The following MACROH2A1 variants were observed in gnomAD, a reference collection of about 807,000 sequenced individuals.
MACROH2A1 encodes the protein core histone macro-H2A.1.
MACROH2A1 carries 2 observed loss-of-function variants against 31.6 expected under a neutral mutation model. The ratio of observed to expected loss-of-function variants is 0.06; its 90% CI spans 0.03 to 0.20. The LOEUF (loss-of-function observed/expected upper bound fraction) is 0.20. Ranked by LOEUF, MACROH2A1 falls within the 10% of genes least tolerant of loss-of-function variation. The pLI is 1.00. For missense variants in MACROH2A1, 230 were observed against 474.0 expected (o/e 0.49, Z 4.78); for synonymous variants, 169 against 189.6 (o/e 0.89, Z 0.89).
At position 135,335,623 on chromosome 5, in the gene MACROH2A1, C is replaced by A. The variant is rs1268889493; in HGVS notation, c.954-482G>T. Among the ~76,000 whole-genome samples, 10 of 152,112 alleles carry A rather than the reference C, an allele frequency of 6.6e-5. 1 individual carries two copies. The highest frequency in any genetic ancestry group is 1.3e-4 in the Non-Finnish European group (9 of 68,012). On this transcript the variant is annotated intron_variant, in intron 8 of 8. Transcript: ENST00000511689. The stretch of plus-strand genomic sequence containing the variant: ...ACACCAGGGGCCACCGCCCAGGAAT[C>A]CACCCTCTAACACACACCAGCGGTA...
chr5:135,347,151 A>G (rs964826015), intron 6 of MACROH2A1: 1 of 152,240 alleles, frequency 6.6e-6, no homozygotes, highest in Non-Finnish European at 1.5e-5. Flanking sequence ...GTGCATCGGA[A>G]TGCACCAGCC....
intron 4 of MACROH2A1, among the ~76,000 whole-genome samples, chr5:135,365,804 G>C (rs2149825607): frequency 6.6e-6 from 1 of 152,302 alleles, no homozygotes. Flanking sequence ...TTGCATGTGA[G>C]GACAGAGATC....
At chr5:135,367,185 T>C (rs1763615833) in intron 4 of MACROH2A1, among the ~76,000 whole-genome samples, 1 of 152,258 alleles carries the variant, frequency 6.6e-6, no homozygotes, top group Non-Finnish European at 1.5e-5. Flanking sequence ...AACCTAGAGA[T>C]GCAGGCTTTT....
At position 135,358,334 on chromosome 5, in the gene MACROH2A1, C is replaced by A. The variant is rs114477576; in HGVS notation, c.588+2163G>T. 8.3e-4 allele frequency: 816 copies of A among 985,380 alleles called. 3 individuals carry two copies. The African/African-American group carries it at 0.013, about 16-fold the overall frequency. 61.0% of individuals were successfully genotyped at this position (985,380 alleles called of 1,614,324 possible). On this transcript the variant is annotated intron_variant, in intron 5 of 8. Coordinates refer to ENST00000511689, the MANE Select transcript of MACROH2A1 (RefSeq NM_138610.3). ...CTGGTGCTTAGGCTGACTTAAGATG[C>A]TGCTTTATTTTGGAAACATGGAGTT... is the stretch of plus-strand genomic sequence containing the variant.
chr5:135,373,742 C>T (rs1374386862), intron 2 of MACROH2A1, among the ~76,000 whole-genome samples: 1 of 152,164 alleles, frequency 6.6e-6, no homozygotes, highest in African/African-American at 2.4e-5. Context: ...AACCCCAGCT[C>T]ATCTTTTATC....
intron 6 of MACROH2A1, among the ~76,000 whole-genome samples, chr5:135,348,277 T>C (rs1394152792): frequency 1.3e-5 from 2 of 152,248 alleles, no homozygotes; most frequent in African/African-American, 4.8e-5. Context: ...CTTTTTAGGC[T>C]TAACTTCAGG....
At chr5:135,370,946 T>A (rs1218043887) in intron 2 of MACROH2A1, among the ~76,000 whole-genome samples, 1 of 152,206 alleles carries the variant, frequency 6.6e-6, no homozygotes, top group African/African-American at 2.4e-5. Flanking sequence ...TACATGCTGA[T>A]GTATTTAGGG....
At chr5:135,395,643 C>A (rs558034253) in intron 1 of MACROH2A1, among the ~76,000 whole-genome samples, 1 of 152,194 alleles carries the variant, frequency 6.6e-6, no homozygotes, top group Non-Finnish European at 1.5e-5. Flanking sequence ...AAATGATTAA[C>A]GGTGTCACCC....
At chr5:135,381,814 T>A (rs1437311528) in intron 2 of MACROH2A1, among the ~76,000 whole-genome samples, 1 of 152,162 alleles carries the variant, frequency 6.6e-6, no homozygotes, top group Non-Finnish European at 1.5e-5. Context: ...AGACATGAAT[T>A]AACAACATGA....
intron 1 of MACROH2A1, among the ~76,000 whole-genome samples, chr5:135,396,202 T>A (rs1767955107): frequency 6.6e-6 from 1 of 152,218 alleles, no homozygotes; most frequent in African/African-American, 2.4e-5. Flanking sequence ...TGTGCCAAAC[T>A]CTTAAGATAA....
chr5:135,388,634 G>A (rs1006985460), intron 2 of MACROH2A1, among the ~76,000 whole-genome samples: 63 of 152,136 alleles, frequency 4.1e-4, no homozygotes, highest in African/African-American at 1.5e-3. Flanking sequence ...GTACATTATT[G>A]GGACAGCTGA....
intron 4 of MACROH2A1, among the ~76,000 whole-genome samples, chr5:135,363,528 A>G (rs1383148587): frequency 6.6e-6 from 1 of 152,200 alleles, no homozygotes; most frequent in Non-Finnish European, 1.5e-5. Flanking sequence ...TTATGGCTGC[A>G]TAGTATTCCA....
At chr5:135,343,065 C>T in intron 8 of MACROH2A1, 195 bp downstream of exon 8, 2 of 1,342,982 alleles carry the variant, frequency 1.5e-6, no homozygotes, top group Non-Finnish European at 2.0e-6. Flanking sequence ...TTTATATCAT[C>T]CTTGGGATTT....
chr5:135,388,991 CT>C lies in MACROH2A1; in HGVS notation c.102del (p.Gly35AlafsTer22). 2 of 1,613,944 alleles carry C rather than the reference CT, an allele frequency of 1.2e-6. No individual in the cohort carries two copies. Among genetic ancestry groups the C allele is most frequent in the Non-Finnish European group, 1.7e-6 (2 of 1,179,840 alleles). On this transcript the variant is annotated frameshift_variant, in exon 2 of 9. Coordinates refer to ENST00000511689, the MANE Select transcript of MACROH2A1 (RefSeq NM_138610.3). LOFTEE classifies it high-confidence loss of function. The stretch of plus-strand genomic sequence containing the variant: ...ACTCCAATCCTGTACTTGGGGTGGC[CT>C]TTCTTGATGTACCGCAGCATCCGCC... ...PVGRMLRYIK[K>X]GHPKYRIGVG... is the part of the protein sequence containing the mutation.
chr5:135,367,553 G>A (rs1763664889), intron 4 of MACROH2A1, among the ~76,000 whole-genome samples: 1 of 152,184 alleles, frequency 6.6e-6, no homozygotes, highest in East Asian at 1.9e-4. Context: ...GAAAGTCATA[G>A]AACAAAAACT....
Position 135,366,001 on chromosome 5 carries a change from G to A in MACROH2A1, c.477+3405C>T, listed in dbSNP as rs568020552. Among the ~76,000 whole-genome samples, 160 of 152,292 alleles carry A rather than the reference G, an allele frequency of 1.1e-3. 1 individual carries two copies. Among genetic ancestry groups the A allele is most frequent in the African/African-American group, 3.3e-3 (137 of 41,552 alleles). On this transcript the variant is annotated intron_variant, in intron 4 of 8. Coordinates refer to ENST00000511689, the MANE Select transcript of MACROH2A1 (RefSeq NM_138610.3). ...GGAGGTAACTGGATCATGGTGGATGGTTTCCCCTGTGCTGTTCCCATGACA... is the reference window on the plus strand; with the variant it reads ...GGAGGTAACTGGATCATGGTGGATGATTTCCCCTGTGCTGTTCCCATGACA...
chr5:135,399,780 C>T (rs1395255196), upstream of MACROH2A1: 1 of 152,276 alleles, frequency 6.6e-6, no homozygotes, highest in Non-Finnish European at 1.5e-5. The surrounding 1 kb of genome is among the most constrained non-coding windows in gnomAD (Gnocchi z 4.5). Flanking sequence ...AGTTAATCCT[C>T]CTCACCCCGA....
chr5:135,337,822 C>T lies in MACROH2A1; in HGVS notation c.954-2681G>A, dbSNP rs145164426. The T allele has an allele frequency of 4.2e-3, 1,663 of 395,042 alleles. 5 individuals are homozygous for T. Among genetic ancestry groups the T allele is most frequent in the Non-Finnish European group, 5.3e-3 (1,512 of 283,254 alleles). The allele number at this position is 395,042 out of a possible 1,614,324, so 24.5% of individuals were successfully genotyped here. ...GTTAATAGAGAGCAGACGGTTCCACCGGAATGTCCCTGGCCTTGCAAGCAT... is the reference window on the plus strand; with the variant it reads ...GTTAATAGAGAGCAGACGGTTCCACTGGAATGTCCCTGGCCTTGCAAGCAT... On this transcript the variant is annotated intron_variant, in intron 8 of 8. Coordinates refer to ENST00000511689, the MANE Select transcript of MACROH2A1 (RefSeq NM_138610.3).
Position 135,369,752 on chromosome 5 carries a change from G to C in MACROH2A1, c.280-149C>G. 1.5e-6 allele frequency: 1 copy of C among 645,974 alleles called. No homozygotes were observed. Among genetic ancestry groups the C allele is most frequent in the South Asian group, 1.9e-5 (1 of 53,148 alleles). 40.0% of individuals were successfully genotyped at this position (645,974 alleles called of 1,614,324 possible). Reference sequence around the variant, plus strand: ...CCATGAGGATGCTGCCAGGACTCAAGCTCACTGCTCAGGGATCCAGTCCCC... The same window carrying C: ...CCATGAGGATGCTGCCAGGACTCAACCTCACTGCTCAGGGATCCAGTCCCC... On this transcript the variant is annotated intron_variant, in intron 3 of 8. Transcript: ENST00000511689. The surrounding 1 kb of genome is among the most constrained non-coding windows in gnomAD (Gnocchi z 4.3).
Sources: allele counts gnomAD v4.1 joint callset (sites outside exome capture counted in the v4.1 genomes callset), GRCh38; gene constraint gnomAD v4.1.1; non-coding constraint Gnocchi (gnomAD v3.1); transcripts MANE v1.5; gene names NCBI Gene and HGNC (gene_info 2026-07-23, HGNC 2026-07-21).